The following APBA2 variants were observed in gnomAD, a reference collection of about 807,000 sequenced individuals.
The protein encoded by APBA2 is amyloid beta precursor protein binding family A member 2.
Under a neutral mutation model 75.0 loss-of-function variants are expected in APBA2, and 30 were observed. The ratio of observed to expected loss-of-function variants is 0.40; its 90% CI spans 0.30 to 0.54. The LOEUF (loss-of-function observed/expected upper bound fraction) is 0.54. Among genes scored for constraint, APBA2 ranks in the 20% least tolerant of loss-of-function variants. The pLI, the probability that APBA2 is intolerant of heterozygous loss-of-function variation, is 0.49. For missense variants in APBA2, 801 were observed against 1,016.1 expected (o/e 0.79, Z 2.88); for synonymous variants, 444 against 409.6 (o/e 1.08, Z -1.01).
At chr15:29,032,525 C>G (rs895058854) in intron 3 of APBA2, among the ~76,000 whole-genome samples, 11 of 152,230 alleles carry the variant, frequency 7.2e-5, no homozygotes, top group African/African-American at 2.2e-4. Context: ...TGAAATAAAT[C>G]TCTTTTTATA....
At chr15:28,908,510 C>T (rs975707656) in intron 1 of APBA2, among the ~76,000 whole-genome samples, 1 of 151,978 alleles carries the variant, frequency 6.6e-6, no homozygotes, top group Non-Finnish European at 1.5e-5. Context: ...TGGGGTTTCA[C>T]CATGTTAGCC....
chr15:28,946,833 C>T (rs944880091), intron 2 of APBA2, among the ~76,000 whole-genome samples: 2 of 152,338 alleles, frequency 1.3e-5, no homozygotes, highest in Non-Finnish European at 2.9e-5. Flanking sequence ...CCTGCCTCAG[C>T]CTCGCCAAGT....
chr15:29,098,230 A>C (rs551108093), intron 8 of APBA2, among the ~76,000 whole-genome samples: 3 of 152,118 alleles, frequency 2.0e-5, no homozygotes, highest in African/African-American at 7.2e-5. Flanking sequence ...CCGCCATTCT[A>C]TTCTCCACAG....
chr15:29,036,248 A>G (rs1449146947), intron 3 of APBA2, among the ~76,000 whole-genome samples: 2 of 113,342 alleles, frequency 1.8e-5, no homozygotes, highest in Admixed American at 1.7e-4. Flanking sequence ...GTCTTAAAAA[A>G]CTATTTTTTT....
intron 6 of APBA2, among the ~76,000 whole-genome samples, chr15:29,077,413 T>C (rs2042898353): frequency 6.6e-6 from 1 of 152,204 alleles, no homozygotes; most frequent in African/African-American, 2.4e-5. Flanking sequence ...AGAAGCTCAC[T>C]TGTCAGTGTA....
intron 1 of APBA2, among the ~76,000 whole-genome samples, chr15:28,903,697 G>C (rs550859381): frequency 2.0e-5 from 3 of 152,328 alleles, no homozygotes; most frequent in African/African-American, 7.2e-5. Flanking sequence ...CTACAGTCCA[G>C]CTTGCGGCTG....
chr15:28,993,957 C>T (rs867352876), intron 2 of APBA2, among the ~76,000 whole-genome samples: 3 of 152,188 alleles, frequency 2.0e-5, no homozygotes, highest in Admixed American at 6.5e-5. Flanking sequence ...CTGACTTTCT[C>T]ACTGATCCAC....
intron 2 of APBA2, 101 bp from the exon 3 acceptor site, chr15:28,995,652 C>T (rs2038478330): frequency 6.6e-6 from 1 of 152,076 alleles, no homozygotes; most frequent in Admixed American, 6.6e-5. Flanking sequence ...TGATTCAAAG[C>T]CTCATATTTA....
chr15:28,909,055 C>G (rs1459554500), intron 1 of APBA2, among the ~76,000 whole-genome samples: 1 of 149,500 alleles, frequency 6.7e-6, no homozygotes, highest in South Asian at 2.1e-4. Flanking sequence ...GGTGCAATCT[C>G]GGCTCACAGC....
At chr15:28,894,219 T>C (rs1368341209) in intron 1 of APBA2, among the ~76,000 whole-genome samples, 1 of 152,174 alleles carries the variant, frequency 6.6e-6, no homozygotes, top group Non-Finnish European at 1.5e-5. Flanking sequence ...TTCACTTTTC[T>C]TACCCCCGAG....
At chr15:28,932,777 A>G (rs1381776338) in intron 2 of APBA2, among the ~76,000 whole-genome samples, 1 of 152,132 alleles carries the variant, frequency 6.6e-6, no homozygotes, top group African/African-American at 2.4e-5. Flanking sequence ...CCAAATCCAT[A>G]TTTTGGAATT....
chr15:29,008,774 A>G (rs2039257003), intron 3 of APBA2, among the ~76,000 whole-genome samples: 1 of 152,176 alleles, frequency 6.6e-6, no homozygotes, highest in East Asian at 1.9e-4. Context: ...CACTCCATAC[A>G]TATGAATTCT....
intron 4 of APBA2, among the ~76,000 whole-genome samples, chr15:29,072,428 G>A (rs1696836201): frequency 6.6e-6 from 1 of 152,214 alleles, no homozygotes; most frequent in Non-Finnish European, 1.5e-5. Context: ...AATGTGAGCG[G>A]CATCTGAGGC....
chr15:29,066,730 A>C (rs2042394164), intron 4 of APBA2, among the ~76,000 whole-genome samples: 1 of 152,164 alleles, frequency 6.6e-6, no homozygotes, highest in Non-Finnish European at 1.5e-5. Context: ...TACTTACCAC[A>C]ATAAAATAAA....
chr15:28,939,529 AT>A (rs952697162), intron 2 of APBA2, among the ~76,000 whole-genome samples: 61 of 151,946 alleles, frequency 4.0e-4, no homozygotes, highest in African/African-American at 1.4e-3. Flanking sequence ...TTGTGTTTTC[AT>A]TTTTTTTGTT....
At chr15:28,911,556 C>G (rs2033430039) in intron 1 of APBA2, among the ~76,000 whole-genome samples, 1 of 152,216 alleles carries the variant, frequency 6.6e-6, no homozygotes, top group Admixed American at 6.5e-5. Flanking sequence ...ATTTACATGT[C>G]TCTGGAGCTG....
intron 1 of APBA2, among the ~76,000 whole-genome samples, chr15:28,888,009 T>C (rs1318627347): frequency 6.6e-6 from 1 of 152,084 alleles, no homozygotes; most frequent in Non-Finnish European, 1.5e-5. Context: ...GGGTGGGCGC[T>C]GGAAGGAGGT....
intron 2 of APBA2, chr15:28,977,340 A>G (rs1362966544): frequency 6.6e-6 from 1 of 152,156 alleles, no homozygotes; most frequent in Non-Finnish European, 1.5e-5. Flanking sequence ...AAGGCCCCAC[A>G]TTATAATAGC....
rs144146421 is a variant in APBA2 at position 28,913,839 on chromosome 15, C to G, written c.-204-7801C>G. The stretch of plus-strand genomic sequence containing the variant: ...GAAGCCAGTTTGGTAGATTCTATTT[C>G]ATGAATAGTCCTTGCTCTGGTCTGA... On this transcript the variant is annotated intron_variant, in intron 1 of 14. Coordinates refer to ENST00000683413, the MANE Select transcript of APBA2 (RefSeq NM_001353788.2). Among the ~76,000 whole-genome samples, 75 of 152,346 alleles carry G rather than the reference C, an allele frequency of 4.9e-4. 1 individual carries two copies. The East Asian group carries it at 0.014, about 29-fold the overall frequency.
Sources: allele counts gnomAD v4.1 joint callset (sites outside exome capture counted in the v4.1 genomes callset), GRCh38; gene constraint gnomAD v4.1.1; transcripts MANE v1.5; gene names NCBI Gene and HGNC (gene_info 2026-07-23, HGNC 2026-07-21).